The following SWI5 variants were observed in gnomAD, a reference collection of about 807,000 sequenced individuals.
SWI5 encodes DNA repair protein SWI5 homolog.
In SWI5, 12 loss-of-function variants were observed where a neutral mutation model predicts 17.0. That is an observed-to-expected ratio of 0.71 (90% confidence interval 0.45 to 1.14). The LOEUF is 1.14. Among genes scored for constraint, SWI5 ranks in the 50% most tolerant of loss-of-function variants. The probability of loss-of-function intolerance (pLI) is 0.00; values close to 1 mark genes in which losing one functional copy is unlikely to be tolerated. For missense variants in SWI5, 158 were observed against 162.2 expected (o/e 0.97, Z 0.14); for synonymous variants, 61 against 64.0 (o/e 0.95, Z 0.22).
At chr9:128,275,715 G>A (rs1417749262), upstream of SWI5, among the ~76,000 whole-genome samples, 1 of 152,118 alleles carries the variant, frequency 6.6e-6, no homozygotes, top group East Asian at 1.9e-4. Context: ...TGGCGAGGGC[G>A]GGGGCTGGGC....
chr9:128,280,636 G>T (rs112986459), intron 2 of SWI5, among the ~76,000 whole-genome samples: 92 of 152,040 alleles, frequency 6.1e-4, no homozygotes, highest in African/African-American at 2.2e-3. Context: ...GCCTACCTCA[G>T]CCTCCCGACT....
At chr9:128,280,595 G>A (rs1831519352) in intron 2 of SWI5, among the ~76,000 whole-genome samples, 1 of 150,856 alleles carries the variant, frequency 6.6e-6, no homozygotes, top group Admixed American at 6.6e-5. Flanking sequence ...TCGGCTCACT[G>A]CAACCGCTGC....
chr9:128,277,191 A>G (rs1031201480), intron 2 of SWI5, among the ~76,000 whole-genome samples: 1 of 152,014 alleles, frequency 6.6e-6, no homozygotes, highest in African/African-American at 2.4e-5. Flanking sequence ...GCCACCCCCA[A>G]AACGCAGCCT....
chr9:128,282,170 C>T lies in SWI5; in HGVS notation c.112-2340C>T, dbSNP rs375918812. Among the ~76,000 whole-genome samples, 7 of 152,250 alleles carry T rather than the reference C, an allele frequency of 4.6e-5. No individual in the cohort carries two copies. The South Asian group carries it at 1.2e-3, about 27-fold the overall frequency. The stretch of plus-strand genomic sequence containing the variant: ...TTGGGAGGCTGAGGTGGGCGGATCA[C>T]GATGTCAGGAGCTTGAGACCAGCCT... On this transcript the variant is annotated intron_variant, in intron 2 of 4. Coordinates refer to ENST00000418976, the Ensembl canonical transcript of SWI5.
chr9:128,275,948 CGGGGA>C, upstream of SWI5: 1 of 1,567,688 alleles, frequency 6.4e-7, no homozygotes, highest in Non-Finnish European at 8.7e-7. Flanking sequence ...CATCGCGGGG[CGGGGA>C]GGGAGGCGGG....
chr9:128,279,343 A>G (rs1350401449), intron 2 of SWI5, among the ~76,000 whole-genome samples: 1 of 152,194 alleles, frequency 6.6e-6, no homozygotes, highest in East Asian at 1.9e-4. Flanking sequence ...GGGGACCACT[A>G]CCACCAAGAC....
At position 128,276,703 on chromosome 9, in the gene SWI5, C is replaced by G. The variant is rs1287774065; in HGVS notation, c.63-4C>G. On this transcript the variant is annotated splice_polypyrimidine_tract_variant and splice_region_variant and intron_variant, in intron 1 of 4. Coordinates refer to ENST00000418976, the Ensembl canonical transcript of SWI5. Reference sequence around the variant, plus strand: ...TCAGACTTTCCCCTCGGATTCCTCTCTAGGACTGAACCAAGACTTACCCGA... The same window carrying G: ...TCAGACTTTCCCCTCGGATTCCTCTGTAGGACTGAACCAAGACTTACCCGA... 1.2e-6 allele frequency: 2 copies of G among 1,614,042 alleles called. No homozygotes were observed. Among genetic ancestry groups the G allele is most frequent in the Non-Finnish European group, 1.7e-6 (2 of 1,179,986 alleles).
upstream of SWI5, chr9:128,275,375 A>C: frequency 7.8e-7 from 1 of 1,281,132 alleles, no homozygotes; most frequent in Non-Finnish European, 1.0e-6. Flanking sequence ...CCTAGGGGGA[A>C]CATCAGCGCG....
Position 128,285,152 on chromosome 9 carries a change from C to T in SWI5, c.233+521C>T, listed in dbSNP as rs961874039. On this transcript the variant is annotated intron_variant, in intron 3 of 4. Transcript: ENST00000418976. This position sits in a 1 kb window ranked among gnomAD's most constrained non-coding sequence, Gnocchi z 4.8. ...ACTGCACTCCAGCCTGGCTACAGAG[C>T]GAGACTTGGTAAAGAAAGAGAAAGA... 1.4e-5 allele frequency among the ~76,000 whole-genome samples: 2 copies of T among 145,474 alleles called. No individual in the cohort carries two copies. The highest frequency in any genetic ancestry group is 5.1e-5 in the African/African-American group (2 of 38,962).
chr9:128,287,918 A>G (rs1163585101), intron 4 of SWI5, among the ~76,000 whole-genome samples: 3 of 152,094 alleles, frequency 2.0e-5, no homozygotes, highest in African/African-American at 4.8e-5. Flanking sequence ...CCAGCACTCT[A>G]CAGAGTGCTG....
chr9:128,283,005 C>G (rs1260951407), intron 2 of SWI5, among the ~76,000 whole-genome samples: 2 of 152,020 alleles, frequency 1.3e-5, no homozygotes, highest in African/African-American at 2.4e-5. Flanking sequence ...TGGCAAAAAC[C>G]CTGTCTCTAC....
intron 4 of SWI5, among the ~76,000 whole-genome samples, chr9:128,288,091 T>C (rs1261092077): frequency 1.3e-5 from 2 of 152,056 alleles, no homozygotes; most frequent in Non-Finnish European, 2.9e-5. Flanking sequence ...GGGGAGAATA[T>C]TGAGGTATGA....
At chr9:128,281,807 G>A (rs1401033677) in intron 2 of SWI5, among the ~76,000 whole-genome samples, 3 of 152,238 alleles carry the variant, frequency 2.0e-5, no homozygotes, top group Non-Finnish European at 4.4e-5. Context: ...AGGTGCGGTG[G>A]CTCATGTTTG....
At chr9:128,286,911 C>T (rs1831648944) in intron 4 of SWI5, among the ~76,000 whole-genome samples, 1 of 151,814 alleles carries the variant, frequency 6.6e-6, no homozygotes, top group African/African-American at 2.4e-5. Flanking sequence ...CGTGGGAGGC[C>T]GAGGTAAGTG....
intron 1 of SWI5, 80 bp downstream of exon 1, chr9:128,276,482 C>T: frequency 6.3e-7 from 1 of 1,582,094 alleles, no homozygotes; most frequent in Non-Finnish European, 8.6e-7. Context: ...CAGAAATCAC[C>T]TCCAAAGACT....
At chr9:128,286,745 G>A (rs1264753491) in intron 4 of SWI5, among the ~76,000 whole-genome samples, 3 of 152,138 alleles carry the variant, frequency 2.0e-5, no homozygotes, top group African/African-American at 7.2e-5. Flanking sequence ...GGGCCCCAGA[G>A]GAGGAGAGGA....
At chr9:128,278,287 G>C (rs1008257382) in intron 2 of SWI5, among the ~76,000 whole-genome samples, 1 of 151,712 alleles carries the variant, frequency 6.6e-6, no homozygotes, top group African/African-American at 2.4e-5. Flanking sequence ...AACAACGCTC[G>C]ACCCGGCACA....
chr9:128,286,731 C>T (rs115255670), intron 4 of SWI5, among the ~76,000 whole-genome samples: 454 of 152,122 alleles, frequency 3.0e-3, no homozygotes, highest in African/African-American at 6.3e-3. Context: ...TTTCACTGGA[C>T]GATGGGCCCC....
chr9:128,275,797 C>G, upstream of SWI5: 1 of 683,716 alleles, frequency 1.5e-6, no homozygotes, highest in Non-Finnish European at 2.4e-6. Context: ...GAGCCCAGCC[C>G]GGTGTGCCTC....
Sources: gnomAD v4.1 joint callset for allele counts (sites outside exome capture counted in the v4.1 genomes callset) on GRCh38, gnomAD v4.1.1 for gene constraint, Gnocchi (gnomAD v3.1) non-coding constraint, MANE v1.5 for transcripts, NCBI Gene and HGNC (gene_info 2026-07-23, HGNC 2026-07-21) for gene names.